Variants in HECTD3 observed in about 807,000 individuals in gnomAD.
HECTD3 encodes the protein HECT domain E3 ubiquitin protein ligase 3.
In HECTD3, 72 loss-of-function variants were observed where a neutral mutation model predicts 109.3. The observed-to-expected ratio is 0.66, with a 90% CI of 0.54 to 0.80. HECTD3 has a LOEUF of 0.80. Ranked by LOEUF, HECTD3 falls within the 30% of genes least tolerant of loss-of-function variation. The probability of loss-of-function intolerance (pLI) is 0.00; values close to 1 mark genes in which losing one functional copy is unlikely to be tolerated. For synonymous variants in HECTD3, 481 were observed against 471.8 expected, an observed-to-expected ratio of 1.02 and a Z score of -0.25; for missense variants, 1,041 against 1,165.2, an observed-to-expected ratio of 0.89 and a Z score of 1.55.
At position 45,003,169 on chromosome 1, in the gene HECTD3, C is replaced by A; in HGVS notation, c.*323G>T. On this transcript the variant is annotated 3_prime_UTR_variant, in exon 21 of 21. Coordinates refer to ENST00000372172, the MANE Select transcript of HECTD3 (RefSeq NM_024602.6). This position sits in a 1 kb window ranked among gnomAD's most constrained non-coding sequence, Gnocchi z 4.7. ...GCGGAGCTGAAAATGGAGGCAAAGT[C>A]CATGGGTTGGGGACCTAGATGGCCC... 3.1e-6 allele frequency: 1 copy of A among 324,828 alleles called. No homozygotes were observed. Among genetic ancestry groups the A allele is most frequent in the Non-Finnish European group, 5.8e-6 (1 of 171,812 alleles). 20.1% of individuals were successfully genotyped at this position (324,828 alleles called of 1,614,324 possible). A position where few individuals can be genotyped will look rare whatever the true frequency, so the allele number is the denominator to read the frequency against.
rs761741093 is a variant in HECTD3, at chr1:45,003,598, C to T, written c.2502-22G>A. Reference sequence around the variant, plus strand: ...GGCACTGTGGGAATGGGGACTTGGTCAGGTCCCTACATCGCTACCAGGGGT... The same window carrying T: ...GGCACTGTGGGAATGGGGACTTGGTTAGGTCCCTACATCGCTACCAGGGGT... On this transcript the variant is annotated intron_variant, in intron 20 of 20. Transcript: ENST00000372172. This position sits in a 1 kb window ranked among gnomAD's most constrained non-coding sequence, Gnocchi z 4.7. The T allele has an allele frequency of 2.5e-6, 4 of 1,613,818 alleles. No homozygotes were observed. In the African/African-American group the frequency reaches 5.3e-5, roughly 22 times the overall value.
chr1:45,010,974 C>G lies in HECTD3; in HGVS notation c.284G>C (p.Ser95Thr), dbSNP rs752623593. The G allele has an allele frequency of 6.6e-7, 1 of 1,511,792 alleles. No individual in the cohort carries two copies. Among genetic ancestry groups the G allele is most frequent in the East Asian group, 2.5e-5 (1 of 40,108 alleles). The allele number at this position is 1,511,792 out of a possible 1,614,324, so 93.6% of individuals were successfully genotyped here. ...GSGPLRAARD[S>T]IELRRGACVR... Reference sequence around the variant, plus strand: ...GCAGGCGCCGCGCCGGAGCTCAATGCTGTCGCGGGCGGCGCGGAGGGGCCC... The same window carrying G: ...GCAGGCGCCGCGCCGGAGCTCAATGGTGTCGCGGGCGGCGCGGAGGGGCCC... Residue 95 changes from serine to threonine, a missense_variant, in exon 1 of 21, where the codon AGC (serine) becomes ACC (threonine). Physicochemically the swap from Ser to Thr is moderately conservative, Grantham distance 58. Around this residue, in one of 2 missense-constraint regions of HECTD3, gnomAD observed 472 missense variants for 449.9 expected, o/e 1.05. Coordinates refer to ENST00000372172, the MANE Select transcript of HECTD3 (RefSeq NM_024602.6).
Position 45,003,616 on chromosome 1 carries a change from C to G in HECTD3, c.2502-40G>C, listed in dbSNP as rs751286236. On this transcript the variant is annotated intron_variant, in intron 20 of 20. Transcript: ENST00000372172. The surrounding 1 kb of genome is among the most constrained non-coding windows in gnomAD (Gnocchi z 4.7). ...ACTTGGTCAGGTCCCTACATCGCTA[C>G]CAGGGGTGATGGGGTCCCCTGGGCC... is the stretch of plus-strand genomic sequence containing the variant. 3 of 1,613,482 alleles carry G rather than the reference C, an allele frequency of 1.9e-6. No homozygotes were observed. The highest frequency in any genetic ancestry group is 1.7e-6 in the Non-Finnish European group (2 of 1,179,396).
In HECTD3 at chr1:45,008,318, G is replaced by C. The variant is rs1268662960; in HGVS notation, c.1242C>G (p.Phe414Leu). ...LYRRAVLLQR[F>L]IKILDSVLHH... ...GCAGGACACTATCGAGGATCTTGAT[G>C]AATCTGGCATGGGTAGATAGACTGC... The change falls in exon 9 of 21, where the codon TTC (phenylalanine) becomes TTG (leucine). Residue 414 changes from phenylalanine (F) to leucine (L), a missense_variant. Coordinates refer to ENST00000372172, the MANE Select transcript of HECTD3 (RefSeq NM_024602.6). The C allele has an allele frequency of 6.2e-7, 1 of 1,613,430 alleles. No individual in the cohort carries two copies. Among genetic ancestry groups the C allele is most frequent in the Non-Finnish European group, 8.5e-7 (1 of 1,179,470 alleles).
chr1:45,005,849 A>C lies in HECTD3; in HGVS notation c.1880T>G (p.Leu627Arg). The C allele has an allele frequency of 6.2e-7, 1 of 1,609,468 alleles. No individual in the cohort carries two copies. Among genetic ancestry groups the C allele is most frequent in the Non-Finnish European group, 8.5e-7 (1 of 1,177,532 alleles). The part of the protein sequence containing the change: ...LALPGFVWKQ[L>R]SGEEVSWSKD... The stretch of plus-strand genomic sequence containing the variant: ...GCTCCAGCTCACCTCCTCACCAGAA[A>C]GCTGCTTCCACACAAAACCAGGCAG... The change falls in exon 15 of 21, where the codon CTT (leucine) becomes CGT (arginine). Residue 627 changes from leucine (L) to arginine (R), a missense_variant. This residue lies in a region of HECTD3 where 569 missense variants were observed against 715.3 expected (regional missense o/e 0.80). Coordinates refer to ENST00000372172, the MANE Select transcript of HECTD3 (RefSeq NM_024602.6).
In HECTD3 at chr1:45,003,686, G is replaced by A. The variant is rs1359895871; in HGVS notation, c.2484C>T (p.Phe828=). Residue 828 remains phenylalanine (F), a synonymous_variant, in exon 20 of 21, where the codon TTC becomes TTT. Transcript: ENST00000372172. The surrounding 1 kb of genome is among the most constrained non-coding windows in gnomAD (Gnocchi z 4.7). ...PESSTCSSTL[F]LPHYASAKVC... ...AAACCCACCTGGCATAGTGTGGCAG[G>A]AAGAGGGTGCTGGAGCAAGTGGAAG... 1.4e-5 allele frequency: 22 copies of A among 1,614,178 alleles called. No individual in the cohort carries two copies. The highest frequency in any genetic ancestry group is 1.6e-4 in the Middle Eastern group (1 of 6,062).
intron 7 of HECTD3, 137 bp from the exon 8 acceptor site, chr1:45,008,838 T>C: frequency 1.3e-6 from 1 of 746,610 alleles, no homozygotes; most frequent in Non-Finnish European, 2.2e-6. Context: ...GGGATCACCT[T>C]CTATCACCTG....
At position 45,009,463 on chromosome 1, in the gene HECTD3, C is replaced by T; in HGVS notation, c.895G>A (p.Asp299Asn). The T allele has an allele frequency of 6.2e-7, 1 of 1,614,038 alleles. No homozygotes were observed. The highest frequency in any genetic ancestry group is 8.5e-7 in the Non-Finnish European group (1 of 1,179,882). The part of the protein sequence containing the change: ...TIVKKLLLTV[D>N]TTDDNFMPKR... Reference sequence around the variant, plus strand: ...GGCATAAAGTTGTCATCTGTGGTATCCACTGTGAGTAGCAGCTTCCTGAAG... The same window carrying T: ...GGCATAAAGTTGTCATCTGTGGTATTCACTGTGAGTAGCAGCTTCCTGAAG... The change falls in exon 6 of 21, where the codon GAT (aspartate) becomes AAT (asparagine). Residue 299 changes from aspartate (D) to asparagine (N), a missense_variant. Coordinates refer to ENST00000372172, the MANE Select transcript of HECTD3 (RefSeq NM_024602.6).
intron 1 of HECTD3, 81 bp downstream of exon 1, chr1:45,010,808 A>G: frequency 6.6e-7 from 1 of 1,509,290 alleles, no homozygotes; most frequent in East Asian, 2.3e-5. Context: ...CCAACTCAAT[A>G]CAGGGGAGAA....
At position 45,004,590 on chromosome 1, in the gene HECTD3, T is replaced by G; in HGVS notation, c.2142+10A>C. 6.2e-7 allele frequency: 1 copy of G among 1,613,894 alleles called. No individual in the cohort carries two copies. ...CAAAGCTCTCTGCTCTACTAGCCTC[T>G]GGGTACTACCTGCTCCTTGCTCTCC... is the stretch of plus-strand genomic sequence containing the variant. On this transcript the variant is annotated intron_variant, in intron 16 of 20. Transcript: ENST00000372172.
Position 45,006,200 on chromosome 1 carries a change from G to A in HECTD3, c.1726-84C>T. 6.5e-7 allele frequency: 1 copy of A among 1,534,074 alleles called. No homozygotes were observed. The highest frequency in any genetic ancestry group is 2.3e-5 in the East Asian group (1 of 43,934). On this transcript the variant is annotated intron_variant, in intron 13 of 20. Transcript: ENST00000372172. The surrounding 1 kb of genome is among the most constrained non-coding windows in gnomAD (Gnocchi z 4.7). ...AAGACTTCCCTGAACATTTTCCACT[G>A]GGAACATTTTCCACTAAATGATCCC...
At position 45,003,489 on chromosome 1, in the gene HECTD3, G is replaced by A. The variant is rs113451625; in HGVS notation, c.*3C>T. ...TTGCTGGTCCCACAGCCGGCGGCAC[G>A]CCTCACTCCTCCCAAGGGCTCATGT... On this transcript the variant is annotated 3_prime_UTR_variant, in exon 21 of 21. Coordinates refer to ENST00000372172, the MANE Select transcript of HECTD3 (RefSeq NM_024602.6). The surrounding 1 kb of genome is among the most constrained non-coding windows in gnomAD (Gnocchi z 4.7). 0.012 allele frequency: 19,916 copies of A among 1,613,640 alleles called. 2,086 individuals carry two copies. In the African/African-American group the frequency reaches 0.23, roughly 19 times the overall value.
At position 45,008,716 on chromosome 1, in the gene HECTD3, CAG is replaced by C. The variant is rs1429175866; in HGVS notation, c.1073-17_1073-16del. 7 of 1,611,408 alleles carry C rather than the reference CAG, an allele frequency of 4.3e-6. No individual in the cohort carries two copies. The highest frequency in any genetic ancestry group is 5.9e-6 in the Non-Finnish European group (7 of 1,179,152). On this transcript the variant is annotated splice_polypyrimidine_tract_variant and intron_variant, in intron 7 of 20. Coordinates refer to ENST00000372172, the MANE Select transcript of HECTD3 (RefSeq NM_024602.6). ...AATCCCATCATCTGGGGGAAGGGGT[CAG>C]AGTAAGGTCATTTACAGCACCTGCT...
rs1431724171 is a variant in HECTD3 at position 45,004,805 on chromosome 1, A to C, written c.1937T>G (p.Val646Gly). Reference sequence around the variant, plus strand: ...TCCTTCCATCACTTCCAGGAGCTTCACCTAGGGGTTGGAGAGAGGCAGGGA... The same window carrying C: ...TCCTTCCATCACTTCCAGGAGCTTCCCCTAGGGGTTGGAGAGAGGCAGGGA... Reference protein sequence around the residue: ...KDFPAVDSVLVKLLEVMEGMD... With the variant: ...KDFPAVDSVLGKLLEVMEGMD... Residue 646 changes from valine to glycine, a missense_variant and splice_region_variant, in exon 16 of 21, where the codon GTG becomes GGG. Val to Gly is a moderately radical substitution (Grantham distance 109, BLOSUM62 -3). Around this residue, in one of 2 missense-constraint regions of HECTD3, gnomAD observed 569 missense variants for 715.3 expected, o/e 0.80. Transcript: ENST00000372172. 3 of 1,613,976 alleles carry C rather than the reference A, an allele frequency of 1.9e-6. No homozygotes were observed. The highest frequency in any genetic ancestry group is 2.5e-6 in the Non-Finnish European group (3 of 1,179,896).
At chr1:45,009,541 A>G (rs1011473283) in intron 5 of HECTD3, 27 bp downstream of exon 5, 17 of 1,602,052 alleles carry the variant, frequency 1.1e-5, no homozygotes, top group Non-Finnish European at 1.5e-5. Context: ...TAGCCCACCC[A>G]CCCTGTCCTG....
rs367668335 is a variant in HECTD3, at chr1:45,007,472, T to C, written c.1444A>G (p.Met482Val). Residue 482 changes from methionine to valine, a missense_variant, in exon 10 of 21, where the codon ATG becomes GTG. Met to Val is a conservative substitution (Grantham distance 21). Around this residue, in one of 2 missense-constraint regions of HECTD3, gnomAD observed 569 missense variants for 715.3 expected, o/e 0.80. Transcript: ENST00000372172. ...CGAGAGGGGCAGGCACGGTGTTCCA[T>C]GGCAAGACGGCGGTTGATGTATAGG... Reference protein sequence around the residue: ...PRLYINRRLAMEHRACPSRDP... With the variant: ...PRLYINRRLAVEHRACPSRDP... The C allele has an allele frequency of 1.9e-6, 3 of 1,614,104 alleles. No homozygotes were observed. Among genetic ancestry groups the C allele is most frequent in the Non-Finnish European group, 2.5e-6 (3 of 1,180,028 alleles).
In HECTD3 at chr1:45,009,626, C is replaced by T. The variant is rs1322951799; in HGVS notation, c.817G>A (p.Asp273Asn). The change falls in exon 5 of 21, where the codon GAT becomes AAT. Residue 273 changes from aspartate to asparagine, a missense_variant. Asp to Asn is a conservative substitution (Grantham distance 23, BLOSUM62 1). Transcript: ENST00000372172. The part of the protein sequence containing the change: ...DSNADTYWES[D>N]GSQCQHWVRL... Reference sequence around the variant, plus strand: ...ACCCAGTGTTGGCACTGGGACCCATCGCTCTCCCAGTAGGTATCGGCATTG... The same window carrying T: ...ACCCAGTGTTGGCACTGGGACCCATTGCTCTCCCAGTAGGTATCGGCATTG... 9 of 1,613,988 alleles carry T rather than the reference C, an allele frequency of 5.6e-6. No individual in the cohort carries two copies. The highest frequency in any genetic ancestry group is 3.3e-5 in the Admixed American group (2 of 60,000).
rs1644767065 is a variant in HECTD3 at position 45,009,667 on chromosome 1, G to C, written c.776C>G (p.Ser259Cys). The C allele has an allele frequency of 2.5e-6, 4 of 1,613,828 alleles. No individual in the cohort carries two copies. The highest frequency in any genetic ancestry group is 3.4e-6 in the Non-Finnish European group (4 of 1,179,816). Residue 259 changes from serine to cysteine, a missense_variant, in exon 5 of 21, where the codon TCC becomes TGC. Transcript: ENST00000372172. ...VSSYTEEFNV[S>C]CLTDSNADTY... The stretch of plus-strand genomic sequence containing the variant: ...ATCGGCATTGCTGTCTGTCAGGCAG[G>C]ACACGTTGAACTCCTCCTGGGGAGG...
chr1:45,006,072 G>A lies in HECTD3; in HGVS notation c.1770C>T (p.Pro590=), dbSNP rs763396901. 6 of 1,614,068 alleles carry A rather than the reference G, an allele frequency of 3.7e-6. No homozygotes were observed. Among genetic ancestry groups the A allele is most frequent in the African/African-American group, 1.3e-5 (1 of 74,926 alleles). ...GEARDMYVPN[P]SCRDFAKYEW... ...CATACTTGGCAAAGTCTCGGCAGGA[G>A]GGGTTGGGTACATACATGTCCCGAG... The change falls in exon 14 of 21, where the codon CCC becomes CCT. Residue 590 remains proline (P), a synonymous_variant. Transcript: ENST00000372172. This position sits in a 1 kb window ranked among gnomAD's most constrained non-coding sequence, Gnocchi z 4.7.
Sources: gnomAD v4.1 joint callset for allele counts on GRCh38, gnomAD v4.1.1 for gene constraint, gnomAD v4.1.1 regional missense constraint, Gnocchi (gnomAD v3.1) non-coding constraint, MANE v1.5 for transcripts, NCBI Gene and HGNC (gene_info 2026-07-23, HGNC 2026-07-21) for gene names.